Variants in MGAM observed in about 807,000 individuals in gnomAD.
MGAM encodes alpha-1,4-glucosidase.
In MGAM, 253 loss-of-function variants were observed where a neutral mutation model predicts 358.8. That is an observed-to-expected ratio of 0.71 (90% CI 0.64 to 0.78). The LOEUF is 0.78. Ranked by LOEUF, MGAM falls within the 30% of genes least tolerant of loss-of-function variation. The pLI, the probability that MGAM is intolerant of heterozygous loss-of-function variation, is 0.00. For synonymous variants in MGAM, 1,105 were observed against 1,227.1 expected (o/e 0.90, Z 2.08); for missense variants, 3,080 against 3,432.6 (o/e 0.90, Z 2.57).
chr7:141,992,953 C>A (rs782044743), upstream of MGAM, among the ~76,000 whole-genome samples: 21 of 152,156 alleles, frequency 1.4e-4, no homozygotes, highest in Non-Finnish European at 2.5e-4. Flanking sequence ...GCTGTAAATT[C>A]TTTGATTCTA....
intron 2 of MGAM, among the ~76,000 whole-genome samples, chr7:142,007,178 G>A (rs1554452708): frequency 6.6e-6 from 1 of 152,066 alleles, no homozygotes; most frequent in Non-Finnish European, 1.5e-5. Flanking sequence ...CAGACATGTT[G>A]TAACAATCTA....
At chr7:142,044,185 GACATATAATATATAATATA>G (rs1809604594) in intron 21 of MGAM, among the ~76,000 whole-genome samples, 2 of 126,416 alleles carry the variant, frequency 1.6e-5, no homozygotes, top group African/African-American at 2.9e-5. Context: ...ATACACATAC[GACATATAATATATAATATA>G]TACATTATAT....
At chr7:142,105,088 A>G (rs1168805927) in intron 70 of MGAM, among the ~76,000 whole-genome samples, 2 of 152,088 alleles carry the variant, frequency 1.3e-5, no homozygotes, top group Non-Finnish European at 2.9e-5. Context: ...GGGCACATGC[A>G]GTGAAAGCTT....
At position 142,066,742 on chromosome 7, in the gene MGAM, C is replaced by T. The variant is rs370856293; in HGVS notation, c.4919+21C>T. The T allele has an allele frequency of 4.3e-5, 67 of 1,546,768 alleles. 12 individuals are homozygous for T. Among genetic ancestry groups the T allele is most frequent in the Non-Finnish European group, 5.9e-5 (66 of 1,127,656 alleles). The stretch of plus-strand genomic sequence containing the variant: ...CATGAGTGAGTGTCCAGCAGGGATC[C>T]CGATGACTAATGGATGACTTATTGC... On this transcript the variant is annotated intron_variant, in intron 41 of 70. Coordinates refer to ENST00000475668, the MANE Select transcript of MGAM (RefSeq NM_001365693.1).
At chr7:142,027,310 G>A in intron 9 of MGAM, 83 bp downstream of exon 9, 1 of 1,127,630 alleles carries the variant, frequency 8.9e-7, no homozygotes, top group Non-Finnish European at 1.3e-6. Context: ...GTGCAAGTGT[G>A]ACCCACAAAA....
intron 7 of MGAM, among the ~76,000 whole-genome samples, chr7:142,024,484 A>C (rs1554460183): frequency 1.3e-5 from 2 of 152,182 alleles, no homozygotes; most frequent in African/African-American, 4.8e-5. Flanking sequence ...AAATTTTGAG[A>C]AACACTTTTC....
intron 21 of MGAM, among the ~76,000 whole-genome samples, chr7:142,041,746 TC>T (rs1360835921): frequency 1.3e-5 from 2 of 148,666 alleles, no homozygotes; most frequent in Non-Finnish European, 3.0e-5. Flanking sequence ...TTTCCAACAT[TC>T]TTTGCCTGGT....
intron 57 of MGAM, among the ~76,000 whole-genome samples, chr7:142,088,455 A>ATGTATGTG: frequency 6.9e-6 from 1 of 144,476 alleles, no homozygotes; most frequent in Admixed American, 7.0e-5. Flanking sequence ...GTATGTATGT[A>ATGTATGTG]TGTATGTACG....
At chr7:142,085,810 C>T (rs1814694345) in intron 54 of MGAM, 23 bp from the exon 55 acceptor site, 1 of 1,560,192 alleles carries the variant, frequency 6.4e-7, no homozygotes, top group Admixed American at 1.7e-5. Flanking sequence ...AGCAGCCTCT[C>T]AGCTCCCCAT....
At chr7:142,065,890 C>A in intron 40 of MGAM, 59 bp downstream of exon 40, 1 of 1,310,080 alleles carries the variant, frequency 7.6e-7, no homozygotes, top group Non-Finnish European at 1.1e-6. Context: ...GTCTCCATTT[C>A]TGTGCTAAAA....
At chr7:142,032,444 G>GCT (rs1381670474) in intron 13 of MGAM, among the ~76,000 whole-genome samples, 12 of 151,786 alleles carry the variant, frequency 7.9e-5, no homozygotes, top group Admixed American at 5.9e-4. Context: ...ACCTTTATGT[G>GCT]CTCTCTCTCT....
intron 9 of MGAM, 30 bp from the exon 10 acceptor site, chr7:142,027,580 G>C (rs1554461412): frequency 3.7e-6 from 6 of 1,610,698 alleles, no homozygotes; most frequent in Non-Finnish European, 5.1e-6. Flanking sequence ...CAGAGTATTT[G>C]CTAATTTTCA....
chr7:142,098,505 G>T (rs1383092655), intron 66 of MGAM, among the ~76,000 whole-genome samples: 1 of 152,136 alleles, frequency 6.6e-6, no homozygotes, highest in Admixed American at 6.6e-5. Context: ...TTTCATCCAA[G>T]GGGATTGCAG....
chr7:142,079,873 G>T (rs1814092328), intron 49 of MGAM, among the ~76,000 whole-genome samples: 1 of 146,316 alleles, frequency 6.8e-6, no homozygotes, highest in Non-Finnish European at 1.5e-5. Context: ...TTGTATGTTT[G>T]TACCCTCATC....
At chr7:142,073,962 C>T in intron 44 of MGAM, 123 bp from the exon 45 acceptor site, 1 of 735,876 alleles carries the variant, frequency 1.4e-6, no homozygotes, top group African/African-American at 1.7e-5. Context: ...GTTTGTACCT[C>T]AAGAAACAGA....
intron 66 of MGAM, among the ~76,000 whole-genome samples, chr7:142,099,161 G>A (rs941642266): frequency 2.0e-5 from 3 of 152,240 alleles, no homozygotes; most frequent in Admixed American, 6.5e-5. Flanking sequence ...TCACAACAGA[G>A]TGGGGGTGAG....
In MGAM at chr7:142,050,217, T is replaced by G; in HGVS notation, c.2588-18T>G. ...GGTGGGCAGGCCAGAATCTGACTTG[T>G]CTTTCTCTCACTTTCAGATACTGTG... On this transcript the variant is annotated intron_variant, in intron 22 of 70. Transcript: ENST00000475668. 1 of 1,613,612 alleles carries G rather than the reference T, an allele frequency of 6.2e-7. No homozygotes were observed. The highest frequency in any genetic ancestry group is 8.5e-7 in the Non-Finnish European group (1 of 1,179,560).
chr7:142,041,952 AT>A (rs1459716014), intron 21 of MGAM, among the ~76,000 whole-genome samples: 6 of 8,018 alleles, frequency 7.5e-4, no homozygotes, highest in African/African-American at 1.6e-3. Flanking sequence ...ATATATACAT[AT>A]ATATAATATA....
At chr7:142,099,799 T>TA (rs1816289296) in intron 67 of MGAM, 62 bp downstream of exon 67, 1 of 1,584,572 alleles carries the variant, frequency 6.3e-7, no homozygotes, top group African/African-American at 1.3e-5. Context: ...TGTAATGAAG[T>TA]CCACCAAAAT....
Sources: gnomAD v4.1 joint callset for allele counts (sites outside exome capture counted in the v4.1 genomes callset) on GRCh38, gnomAD v4.1.1 for gene constraint, MANE v1.5 for transcripts, NCBI Gene and HGNC (gene_info 2026-07-23, HGNC 2026-07-21) for gene names.